LMX1B: variants seen among roughly 807,000 people sequenced by gnomAD.
LMX1B encodes LIM homeobox transcription factor 1 beta, also known as LIM homeobox transcription factor 1-beta.
In LMX1B, 12 loss-of-function variants were observed where a neutral mutation model predicts 51.4. That is an observed-to-expected ratio of 0.23 (90% CI 0.15 to 0.38). LMX1B has a LOEUF of 0.38. Ranked by LOEUF, LMX1B falls within the 10% of genes least tolerant of loss-of-function variation. The pLI is 1.00. For synonymous variants in LMX1B, 237 were observed against 235.4 expected (o/e 1.01, Z -0.06); for missense variants, 445 against 571.1 (o/e 0.78, Z 2.25).
At chr9:126,679,491 G>C (rs1464025816) in intron 2 of LMX1B, among the ~76,000 whole-genome samples, 2 of 151,948 alleles carry the variant, frequency 1.3e-5, no homozygotes, top group Non-Finnish European at 2.9e-5. Flanking sequence ...GTGGATAGAT[G>C]GTTGAAGGGG....
chr9:126,679,416 A>C (rs1836631336), intron 2 of LMX1B, among the ~76,000 whole-genome samples: 1 of 151,034 alleles, frequency 6.6e-6, no homozygotes, highest in Admixed American at 6.6e-5. Flanking sequence ...GATGGGTAAT[A>C]TATGGGTGGT....
chr9:126,686,325 C>T (rs1350713703), intron 2 of LMX1B, among the ~76,000 whole-genome samples: 1 of 150,578 alleles, frequency 6.6e-6, no homozygotes, highest in African/African-American at 2.4e-5. Context: ...AATCCATGTT[C>T]AAATGCTCCT....
chr9:126,687,881 G>A (rs2029966026), intron 2 of LMX1B, among the ~76,000 whole-genome samples: 1 of 152,162 alleles, frequency 6.6e-6, no homozygotes, highest in Non-Finnish European at 1.5e-5. Flanking sequence ...CGAAGAGAGG[G>A]GGAATGGGGG....
At chr9:126,624,445 G>A (rs1835480656) in intron 2 of LMX1B, among the ~76,000 whole-genome samples, 1 of 152,216 alleles carries the variant, frequency 6.6e-6, no homozygotes, top group South Asian at 2.1e-4. Context: ...AAAGCAGCAA[G>A]TTCGGGAGGT....
At chr9:126,665,056 G>C (rs2045387824) in intron 2 of LMX1B, among the ~76,000 whole-genome samples, 1 of 152,198 alleles carries the variant, frequency 6.6e-6, no homozygotes, top group South Asian at 2.1e-4. Flanking sequence ...CTTGCGTTGG[G>C]CAAGTGTCCA....
Position 126,696,627 on chromosome 9 carries a change from A to T in LMX1B, c.*176A>T. ...GCCCGTTGGGTACAGCCAGACCGGT[A>T]GATGGGCACAGCCTGGGCAGGGGCT... On this transcript the variant is annotated 3_prime_UTR_variant, in exon 8 of 8. Coordinates refer to ENST00000373474, the MANE Select transcript of LMX1B (RefSeq NM_001174147.2). 1 of 654,176 alleles carries T rather than the reference A, an allele frequency of 1.5e-6. No individual in the cohort carries two copies. Among genetic ancestry groups the T allele is most frequent in the South Asian group, 1.8e-5 (1 of 54,612 alleles). The allele number at this position is 654,176 out of a possible 1,614,324, so 40.5% of individuals were successfully genotyped here.
At position 126,698,117 on chromosome 9, in the gene LMX1B, C is replaced by T. The variant is rs10987416; in HGVS notation, c.*1666C>T. 37,327 of 152,488 alleles carry T rather than the reference C, an allele frequency of 0.24. 5,343 individuals carry two copies. Among genetic ancestry groups the T allele is most frequent in the Middle Eastern group, 0.38 (112 of 292 alleles). The allele number at this position is 152,488 out of a possible 1,614,324, so 9.4% of individuals were successfully genotyped here. A position where few individuals can be genotyped will look rare whatever the true frequency, so the allele number is the denominator to read the frequency against. On this transcript the variant is annotated 3_prime_UTR_variant, in exon 8 of 8. Coordinates refer to ENST00000373474, the MANE Select transcript of LMX1B (RefSeq NM_001174147.2). ...CTCCAACCCCCGACCTCAGGTGATC[C>T]GCCTGCCTCGGCCTCCCAAAGTGCT...
At chr9:126,691,305 CAT>C (rs1300532670) in intron 3 of LMX1B, among the ~76,000 whole-genome samples, 13 of 152,122 alleles carry the variant, frequency 8.5e-5, no homozygotes, top group Admixed American at 5.2e-4. Context: ...TACATATAAA[CAT>C]ATGTGTGATC....
At chr9:126,688,855 C>T (rs754263715) in intron 2 of LMX1B, among the ~76,000 whole-genome samples, 1 of 152,320 alleles carries the variant, frequency 6.6e-6, no homozygotes, top group Admixed American at 6.5e-5. Flanking sequence ...CACGGAGGCC[C>T]CCTTGAGGAT....
intron 2 of LMX1B, among the ~76,000 whole-genome samples, chr9:126,619,273 C>T (rs1365784601): frequency 6.6e-6 from 1 of 152,188 alleles, no homozygotes; most frequent in East Asian, 1.9e-4. Flanking sequence ...TCTTGGGAGG[C>T]TCACCTCTCC....
At chr9:126,686,932 G>T (rs1327339040) in intron 2 of LMX1B, among the ~76,000 whole-genome samples, 2 of 152,234 alleles carry the variant, frequency 1.3e-5, no homozygotes, top group Non-Finnish European at 2.9e-5. Flanking sequence ...AGCCAGGAGT[G>T]CTCTGTCCAG....
chr9:126,631,012 G>T (rs750340940), intron 2 of LMX1B, among the ~76,000 whole-genome samples: 24 of 152,336 alleles, frequency 1.6e-4, no homozygotes, highest in Non-Finnish European at 2.9e-4. Context: ...CCTCCCACGT[G>T]CCCCCGCCTG....
In LMX1B at chr9:126,625,245, C is replaced by T. The variant is rs897933062; in HGVS notation, c.326+9676C>T. ...TTCGTTTCCGAGCGCGCTTGGGCCT[C>T]AGGAGCCGGAGCGTTGCCGTGGGGG... On this transcript the variant is annotated intron_variant, in intron 2 of 7. Transcript: ENST00000373474. The surrounding 1 kb of genome is among the most constrained non-coding windows in gnomAD (Gnocchi z 5.3). Among the ~76,000 whole-genome samples the T allele has an allele frequency of 2.6e-5, 4 of 152,246 alleles. No homozygotes were observed. The highest frequency in any genetic ancestry group is 9.6e-5 in the African/African-American group (4 of 41,470).
chr9:126,644,647 T>G (rs944104), intron 2 of LMX1B, among the ~76,000 whole-genome samples: 27,682 of 152,170 alleles, frequency 0.18, 3,343 homozygotes, highest in East Asian at 0.42. Flanking sequence ...TCGGGGAAGA[T>G]AATGGCTTTG....
chr9:126,697,046 G>A lies in LMX1B; in HGVS notation c.*595G>A, dbSNP rs887933322. The stretch of plus-strand genomic sequence containing the variant: ...CAGGCGCAAAGGGACAGAGAGGCAC[G>A]TGCAGACACATGCACACTTGCAGAC... On this transcript the variant is annotated 3_prime_UTR_variant, in exon 8 of 8. Coordinates refer to ENST00000373474, the MANE Select transcript of LMX1B (RefSeq NM_001174147.2). 5 of 167,726 alleles carry A rather than the reference G, an allele frequency of 3.0e-5. No homozygotes were observed. The highest frequency in any genetic ancestry group is 1.6e-4 in the South Asian group (1 of 6,386). The allele number at this position is 167,726 out of a possible 1,614,324, so 10.4% of individuals were successfully genotyped here.
rs544273234 is a variant in LMX1B at position 126,671,655 on chromosome 9, G to A, written c.327-19181G>A. Among the ~76,000 whole-genome samples the A allele has an allele frequency of 1.2e-4, 19 of 152,288 alleles. No individual in the cohort carries two copies. The highest frequency in any genetic ancestry group is 4.6e-4 in the African/African-American group (19 of 41,560). ...ATCTTTTGAAAGATAGGCGCACCCC[G>A]GGATGAGAGGTCAGCGGGCCTGCCC... On this transcript the variant is annotated intron_variant, in intron 2 of 7. Coordinates refer to ENST00000373474, the MANE Select transcript of LMX1B (RefSeq NM_001174147.2). The surrounding 1 kb of genome is among the most constrained non-coding windows in gnomAD (Gnocchi z 4.4).
At chr9:126,660,386 C>T (rs1196591100) in intron 2 of LMX1B, among the ~76,000 whole-genome samples, 3 of 152,122 alleles carry the variant, frequency 2.0e-5, no homozygotes, top group Non-Finnish European at 4.4e-5. Context: ...TTCTGTGGTC[C>T]GTGTACAACT....
At chr9:126,634,957 GC>G (rs1295941644) in intron 2 of LMX1B, among the ~76,000 whole-genome samples, 1 of 152,094 alleles carries the variant, frequency 6.6e-6, no homozygotes, top group Non-Finnish European at 1.5e-5. Context: ...TCTCCTCTCT[GC>G]CCCTGGCTGT....
At chr9:126,665,287 T>G (rs1336570541) in intron 2 of LMX1B, among the ~76,000 whole-genome samples, 1 of 152,158 alleles carries the variant, frequency 6.6e-6, no homozygotes, top group East Asian at 1.9e-4. Context: ...CGGCCATTGT[T>G]GGGCCTCCCC....
Sources: gnomAD v4.1 joint callset for allele counts (sites outside exome capture counted in the v4.1 genomes callset) on GRCh38, gnomAD v4.1.1 for gene constraint, Gnocchi (gnomAD v3.1) non-coding constraint, MANE v1.5 for transcripts, NCBI Gene and HGNC (gene_info 2026-07-23, HGNC 2026-07-21) for gene names.